The following CNTNAP4 variants were observed in gnomAD, a reference collection of about 807,000 sequenced individuals.
CNTNAP4 encodes contactin associated protein family member 4.
CNTNAP4 carries 98 observed loss-of-function variants against 148.4 expected under a neutral mutation model. The observed-to-expected ratio is 0.66, with a 90% CI of 0.56 to 0.78. CNTNAP4 has a LOEUF of 0.78. Among genes scored for constraint, CNTNAP4 ranks in the 30% least tolerant of loss-of-function variants. The pLI, the probability that CNTNAP4 is intolerant of heterozygous loss-of-function variation, is 0.00. For synonymous variants in CNTNAP4, 730 were observed against 565.1 expected, an observed-to-expected ratio of 1.29 and a Z score of -4.14; for missense variants, 1,935 against 1,565.6, an observed-to-expected ratio of 1.24 and a Z score of -3.98.
At chr16:76,325,453 G>A (rs1052529245) in intron 2 of CNTNAP4, among the ~76,000 whole-genome samples, 2 of 152,062 alleles carry the variant, frequency 1.3e-5, no homozygotes, top group African/African-American at 4.8e-5. Context: ...ATCATACAGA[G>A]TAAGTGCCCT....
At chr16:76,310,130 C>T (rs1021338004) in intron 1 of CNTNAP4, among the ~76,000 whole-genome samples, 1 of 151,974 alleles carries the variant, frequency 6.6e-6, no homozygotes, top group Admixed American at 6.6e-5. Context: ...GCAGACTGGC[C>T]ATTTGCCATT....
intron 12 of CNTNAP4, among the ~76,000 whole-genome samples, chr16:76,486,980 T>G (rs1375757122): frequency 6.6e-6 from 1 of 152,174 alleles, no homozygotes; most frequent in Non-Finnish European, 1.5e-5. Context: ...CTGTGTCTGT[T>G]AGTATAGATT....
intron 4 of CNTNAP4, among the ~76,000 whole-genome samples, chr16:76,429,721 A>G (rs2145064148): frequency 6.6e-6 from 1 of 152,284 alleles, no homozygotes; most frequent in East Asian, 1.9e-4. Flanking sequence ...ATGATAACTC[A>G]AACCTCCCCC....
In CNTNAP4 at chr16:76,522,018, C is replaced by A. The variant is rs367809458; in HGVS notation, c.2537-21C>A. The A allele has an allele frequency of 1.9e-5, 30 of 1,610,500 alleles. No homozygotes were observed. In the African/African-American group the frequency reaches 2.0e-4, roughly 11 times the overall value. ...CGCCATAGGAACTCACTAGAACAAT[C>A]TTTATGTGTAATATTTCCAGCTCCG... On this transcript the variant is annotated intron_variant, in intron 16 of 23. Coordinates refer to ENST00000611870, the MANE Select transcript of CNTNAP4 (RefSeq NM_033401.5).
At chr16:76,521,418 C>G in intron 16 of CNTNAP4, 108 bp downstream of exon 16, 1 of 860,098 alleles carries the variant, frequency 1.2e-6, no homozygotes, top group Non-Finnish European at 1.7e-6. Flanking sequence ...TGATTCTTTT[C>G]ATTGCGCCCC....
intron 21 of CNTNAP4, among the ~76,000 whole-genome samples, chr16:76,552,207 A>G (rs1236808158): frequency 6.6e-6 from 1 of 152,194 alleles, no homozygotes; most frequent in Non-Finnish European, 1.5e-5. Flanking sequence ...CTCACTCACT[A>G]TCACAATAAC....
At chr16:76,410,406 T>A (rs908318665) in intron 3 of CNTNAP4, among the ~76,000 whole-genome samples, 1 of 151,734 alleles carries the variant, frequency 6.6e-6, no homozygotes, top group African/African-American at 2.4e-5. Flanking sequence ...TGTTCTTGTT[T>A]CATTTATCTA....
intron 23 of CNTNAP4, among the ~76,000 whole-genome samples, chr16:76,554,979 T>A (rs1276842398): frequency 2.2e-4 from 33 of 151,824 alleles, no homozygotes. Flanking sequence ...ATATCATATA[T>A]GAATAATCGT....
chr16:76,556,195 C>G (rs931383752), intron 23 of CNTNAP4, among the ~76,000 whole-genome samples: 1 of 151,854 alleles, frequency 6.6e-6, no homozygotes. Flanking sequence ...AAAGTGGTGA[C>G]CCAGATGTGG....
chr16:76,301,130 A>G (rs1959918266), intron 1 of CNTNAP4, among the ~76,000 whole-genome samples: 1 of 151,984 alleles, frequency 6.6e-6, no homozygotes, highest in Non-Finnish European at 1.5e-5. Context: ...GGGTAAGAGT[A>G]GTGTATAAAA....
intron 1 of CNTNAP4, among the ~76,000 whole-genome samples, chr16:76,296,684 TA>T (rs1424122420): frequency 6.6e-6 from 1 of 152,088 alleles, no homozygotes; most frequent in Non-Finnish European, 1.5e-5. Flanking sequence ...ATGGTATAGC[TA>T]ATCATGATGG....
At chr16:76,369,883 C>A (rs1044873206) in intron 3 of CNTNAP4, among the ~76,000 whole-genome samples, 1 of 151,812 alleles carries the variant, frequency 6.6e-6, no homozygotes, top group Non-Finnish European at 1.5e-5. Flanking sequence ...GAGGATTTGC[C>A]CTTTCTCCTC....
chr16:76,371,859 A>G (rs1015818557), intron 3 of CNTNAP4, among the ~76,000 whole-genome samples: 1 of 152,194 alleles, frequency 6.6e-6, no homozygotes, highest in Admixed American at 6.5e-5. Context: ...TCTGCCAAAC[A>G]AGCTTTAGTT....
At chr16:76,295,268 G>T (rs1313093048) in intron 1 of CNTNAP4, among the ~76,000 whole-genome samples, 3 of 152,188 alleles carry the variant, frequency 2.0e-5, no homozygotes, top group Non-Finnish European at 1.5e-5. Flanking sequence ...CAAAAGCATG[G>T]AGTCTTTGAA....
At chr16:76,424,055 A>T (rs2079287318) in intron 3 of CNTNAP4, among the ~76,000 whole-genome samples, 1 of 152,186 alleles carries the variant, frequency 6.6e-6, no homozygotes, top group African/African-American at 2.4e-5. Context: ...AAAAGTTTTG[A>T]ATATGACAAT....
intron 12 of CNTNAP4, among the ~76,000 whole-genome samples, chr16:76,483,530 C>T (rs998543246): frequency 6.6e-5 from 10 of 152,144 alleles, no homozygotes; most frequent in Non-Finnish European, 7.4e-5. Flanking sequence ...CTGTAGCTCA[C>T]GCCTGAGCAA....
chr16:76,551,555 T>C (rs887104346), intron 21 of CNTNAP4, among the ~76,000 whole-genome samples: 1 of 152,094 alleles, frequency 6.6e-6, no homozygotes, highest in Non-Finnish European at 1.5e-5. Context: ...GAGAGTGGTT[T>C]ATAAACAAAA....
At chr16:76,356,205 T>C (rs2012620652) in intron 3 of CNTNAP4, among the ~76,000 whole-genome samples, 1 of 152,162 alleles carries the variant, frequency 6.6e-6, no homozygotes, top group African/African-American at 2.4e-5. Flanking sequence ...TTAGTCAAAA[T>C]AATTTGTTCC....
At chr16:76,354,394 G>C (rs2012286640) in intron 2 of CNTNAP4, among the ~76,000 whole-genome samples, 2 of 152,052 alleles carry the variant, frequency 1.3e-5, no homozygotes, top group Admixed American at 1.3e-4. Flanking sequence ...TTACTTCTTT[G>C]AACATACATC....
Sources: gnomAD v4.1 joint callset for allele counts (sites outside exome capture counted in the v4.1 genomes callset) on GRCh38, gnomAD v4.1.1 for gene constraint, MANE v1.5 for transcripts, NCBI Gene and HGNC (gene_info 2026-07-23, HGNC 2026-07-21) for gene names.